Variants in MYO15A observed in about 807,000 individuals in gnomAD.
MYO15A encodes myosin XVA.
In MYO15A, 308 loss-of-function variants were observed where a neutral mutation model predicts 394.6. The observed-to-expected ratio is 0.78, with a 90% confidence interval of 0.71 to 0.86. The LOEUF is 0.86. Ranked by LOEUF, MYO15A falls within the 40% of genes least tolerant of loss-of-function variation. The probability of loss-of-function intolerance (pLI) is 0.00; values close to 1 mark genes in which losing one functional copy is unlikely to be tolerated. For synonymous variants in MYO15A, 1,957 were observed against 2,003.8 expected (o/e 0.98, Z 0.62); for missense variants, 4,606 against 4,799.1 (o/e 0.96, Z 1.19).
intron 60 of MYO15A, 165 bp downstream of exon 60, chr17:18,164,003 A>G: frequency 1.4e-6 from 1 of 715,244 alleles, no homozygotes; most frequent in Middle Eastern, 3.6e-4. Context: ...AAGCACGCCC[A>G]GCCCTTTATC....
At chr17:18,110,625 C>T (rs944413176) in intron 1 of MYO15A, among the ~76,000 whole-genome samples, 1 of 152,210 alleles carries the variant, frequency 6.6e-6, no homozygotes, top group Non-Finnish European at 1.5e-5. Flanking sequence ...TAAGATCAAG[C>T]CCTTCATCTA....
chr17:18,114,437 A>T (rs1397645038), intron 1 of MYO15A, among the ~76,000 whole-genome samples: 2 of 152,002 alleles, frequency 1.3e-5, no homozygotes, highest in African/African-American at 2.4e-5. Context: ...TTTTTAGTGG[A>T]AATGAGGTTT....
chr17:18,133,235 G>A lies in MYO15A; in HGVS notation c.4331G>A (p.Cys1444Tyr). ...TCTGCCCTCATGCAGGGTGGGAACT[G>A]TGAGATAGCAGGAAAGAGCGATGCA... ...TYYYLNQGGNCEIAGKSDADD... is the reference protein window; with the variant it reads ...TYYYLNQGGNYEIAGKSDADD... The change falls in exon 12 of 66, where the codon TGT becomes TAT. Residue 1444 changes from cysteine (C) to tyrosine (Y), a missense_variant. Cys to Tyr is a radical substitution (Grantham distance 194, BLOSUM62 -2). Around this residue, in one of 2 missense-constraint regions of MYO15A, gnomAD observed 2,776 missense variants for 3,109.3 expected, o/e 0.89. Coordinates refer to ENST00000647165, the MANE Select transcript of MYO15A (RefSeq NM_016239.4). 1 of 1,614,102 alleles carries A rather than the reference G, an allele frequency of 6.2e-7. No homozygotes were observed. Among genetic ancestry groups the A allele is most frequent in the Non-Finnish European group, 8.5e-7 (1 of 1,180,006 alleles).
intron 1 of MYO15A, among the ~76,000 whole-genome samples, chr17:18,114,398 T>C (rs2045760738): frequency 2.0e-5 from 3 of 152,068 alleles, no homozygotes. Context: ...ATTACAGGCA[T>C]GCGCCACCAC....
Position 18,153,454 on chromosome 17 carries a change from T to G in MYO15A, c.7967-321T>G. 6.2e-6 allele frequency: 1 copy of G among 161,552 alleles called. No homozygotes were observed. The highest frequency in any genetic ancestry group is 1.3e-5 in the Non-Finnish European group (1 of 74,884). The allele number at this position is 161,552 out of a possible 1,614,324, so 10.0% of individuals were successfully genotyped here. On this transcript the variant is annotated intron_variant, in intron 42 of 65. Coordinates refer to ENST00000647165, the MANE Select transcript of MYO15A (RefSeq NM_016239.4). This position sits in a 1 kb window ranked among gnomAD's most constrained non-coding sequence, Gnocchi z 4.1. ...GCTCATGCCTGTAATCCCAGCACTT[T>G]GGGAGGCCGAGGCGGGCGGACCACC... is the stretch of plus-strand genomic sequence containing the variant.
At chr17:18,149,749 C>A in intron 35 of MYO15A, 169 bp downstream of exon 35, 1 of 711,144 alleles carries the variant, frequency 1.4e-6, no homozygotes, top group South Asian at 1.6e-5. Context: ...GGTCTCTTCA[C>A]AGCTAGAGAT....
chr17:18,133,057 A>G (rs2046196278), intron 11 of MYO15A, among the ~76,000 whole-genome samples, 168 bp from the exon 12 acceptor site: 1 of 152,198 alleles, frequency 6.6e-6, no homozygotes, highest in Non-Finnish European at 1.5e-5. Context: ...CTTAGAATCT[A>G]TGAACTCCGT....
rs1015439817 is a variant in MYO15A, at chr17:18,148,971, C to T, written c.6956+19C>T. On this transcript the variant is annotated intron_variant, in intron 33 of 65. Coordinates refer to ENST00000647165, the MANE Select transcript of MYO15A (RefSeq NM_016239.4). The surrounding 1 kb of genome is among the most constrained non-coding windows in gnomAD (Gnocchi z 4.8). ...CCAAAGTGTAGGTAGCTATGGGGGACCCCCTCACAGATGGCCACTCCCAGG... is the reference window on the plus strand; with the variant it reads ...CCAAAGTGTAGGTAGCTATGGGGGATCCCCTCACAGATGGCCACTCCCAGG... The T allele has an allele frequency of 1.1e-5, 17 of 1,570,070 alleles. No individual in the cohort carries two copies. Among genetic ancestry groups the T allele is most frequent in the Non-Finnish European group, 1.4e-5 (16 of 1,157,970 alleles).
intron 38 of MYO15A, 85 bp from the exon 39 acceptor site, chr17:18,151,025 A>C (rs1271823894): frequency 6.2e-7 from 1 of 1,607,644 alleles, no homozygotes; most frequent in East Asian, 2.2e-5. Context: ...GGAGCTCCAC[A>C]ACCCATCTCT....
chr17:18,163,678 G>A, intron 59 of MYO15A, 64 bp from the exon 60 acceptor site: 6 of 1,464,762 alleles, frequency 4.1e-6, no homozygotes, highest in East Asian at 2.4e-5. Flanking sequence ...GGGCCTGAGT[G>A]GGGCCAGAAG....
Position 18,154,064 on chromosome 17 carries a change from C to T in MYO15A, c.8089-67C>T, listed in dbSNP as rs1028947293. On this transcript the variant is annotated intron_variant, in intron 43 of 65. Transcript: ENST00000647165. ...CCGGGGCGGAACTGCATTTAGGGGG[C>T]GGGGCCGGGTGTGAAGCAAGGCCAG... 28 of 1,603,670 alleles carry T rather than the reference C, an allele frequency of 1.7e-5. No individual in the cohort carries two copies. In the African/African-American group the frequency reaches 1.9e-4, roughly 11 times the overall value.
In MYO15A at chr17:18,156,210, G is replaced by A; in HGVS notation, c.8475G>A (p.Leu2825=). The A allele has an allele frequency of 1.9e-6, 3 of 1,614,136 alleles. No homozygotes were observed. The highest frequency in any genetic ancestry group is 1.7e-6 in the Non-Finnish European group (2 of 1,180,012). The stretch of plus-strand genomic sequence containing the variant: ...CATCCTCCAGCTTTGCAGATATCCT[G>A]TTTGTGACCATGCCCTCCCAGAACA... The part of the protein sequence containing the change: ...VLRAYSFADI[L]FVTMPSQNML... Residue 2825 remains leucine, a synonymous_variant, in exon 48 of 66, where the codon CTG becomes CTA. Transcript: ENST00000647165.
Position 18,150,081 on chromosome 17 carries a change from T to C in MYO15A, c.7213-348T>C, listed in dbSNP as rs1304642026. ...GGTCCCCGGGTCTTCTAGCCCCAGA[T>C]CTCACGAGACCCCTCAGGTACCCTT... On this transcript the variant is annotated intron_variant, in intron 35 of 65. Coordinates refer to ENST00000647165, the MANE Select transcript of MYO15A (RefSeq NM_016239.4). The surrounding 1 kb of genome is among the most constrained non-coding windows in gnomAD (Gnocchi z 4.4). The C allele has an allele frequency of 2.7e-6, 1 of 368,642 alleles. No homozygotes were observed. Among genetic ancestry groups the C allele is most frequent in the Non-Finnish European group, 5.1e-6 (1 of 196,358 alleles). The allele number at this position is 368,642 out of a possible 1,614,324, so 22.8% of individuals were successfully genotyped here. A position where few individuals can be genotyped will look rare whatever the true frequency, so the allele number is the denominator to read the frequency against.
chr17:18,116,278 G>C (rs2045782596), intron 1 of MYO15A, among the ~76,000 whole-genome samples: 1 of 152,230 alleles, frequency 6.6e-6, no homozygotes, highest in South Asian at 2.1e-4. Context: ...GCAGGAGCAG[G>C]TTGTGGGGTT....
rs373837174 is a variant in MYO15A, at chr17:18,167,550, G to A, written c.9949-40G>A. 9.9e-5 allele frequency: 158 copies of A among 1,599,646 alleles called. 5 individuals carry two copies. The highest frequency in any genetic ancestry group is 4.3e-4 in the South Asian group (39 of 90,976). On this transcript the variant is annotated intron_variant, in intron 61 of 65. Transcript: ENST00000647165. The stretch of plus-strand genomic sequence containing the variant: ...CCCCTGCAGCCAAGTGCCTGCACGC[G>A]TGCCTGCCTGGCAGCCCCTCACCCA...
Position 18,149,507 on chromosome 17 carries a change from C to T in MYO15A, c.7139C>T (p.Pro2380Leu), listed in dbSNP as rs766753136. 1 of 1,614,188 alleles carries T rather than the reference C, an allele frequency of 6.2e-7. No homozygotes were observed. Among genetic ancestry groups the T allele is most frequent in the Non-Finnish European group, 8.5e-7 (1 of 1,180,026 alleles). ...CCAGAGTCAGACAGTCTTGGAGAGC[C>T]TGCTGTGCCCCACAAGGGGCTGGAC... ...THQESDSLGEPAVPHKGLDCY... is the reference protein window; with the variant it reads ...THQESDSLGELAVPHKGLDCY... The change falls in exon 35 of 66, where the codon CCT (proline) becomes CTT (leucine). Residue 2380 changes from proline (P) to leucine (L), a missense_variant. Around this residue, in one of 2 missense-constraint regions of MYO15A, gnomAD observed 2,776 missense variants for 3,109.3 expected, o/e 0.89. Transcript: ENST00000647165.
intron 65 of MYO15A, chr17:18,177,493 A>AT (rs1260016765): frequency 1.3e-5 from 2 of 152,270 alleles, no homozygotes; most frequent in African/African-American, 2.4e-5. Context: ...ACATGGCAGC[A>AT]TGTAGGTAGG....
chr17:18,151,558 G>C (rs1567653316), intron 40 of MYO15A, 31 bp downstream of exon 40: 1 of 1,612,672 alleles, frequency 6.2e-7, no homozygotes, highest in South Asian at 1.1e-5. Flanking sequence ...CAGCCCGCCA[G>C]CCCCCTCACT....
intron 16 of MYO15A, 77 bp downstream of exon 16, chr17:18,137,756 C>T (rs1258345077): frequency 2.7e-6 from 4 of 1,489,886 alleles, no homozygotes; most frequent in Non-Finnish European, 3.7e-6. Flanking sequence ...TGAGGATATA[C>T]TGGTTGTTTA....
Sources: gnomAD v4.1 joint callset for allele counts (sites outside exome capture counted in the v4.1 genomes callset) on GRCh38, gnomAD v4.1.1 for gene constraint, gnomAD v4.1.1 regional missense constraint, Gnocchi (gnomAD v3.1) non-coding constraint, MANE v1.5 for transcripts, NCBI Gene and HGNC (gene_info 2026-07-23, HGNC 2026-07-21) for gene names.